The following UMODL1 variants were observed in gnomAD, a reference collection of about 807,000 sequenced individuals.
The protein encoded by UMODL1 is uromodulin like 1.
UMODL1 carries 128 observed loss-of-function variants against 136.3 expected under a neutral mutation model. That is an observed-to-expected ratio of 0.94 (90% CI 0.81 to 1.09). The LOEUF (loss-of-function observed/expected upper bound fraction) is 1.09. Ranked by LOEUF, UMODL1 falls within the 50% of genes least tolerant of loss-of-function variation. The pLI is 0.00. For missense variants in UMODL1, 1,766 were observed against 1,725.6 expected, an observed-to-expected ratio of 1.02 and a Z score of -0.41; for synonymous variants, 721 against 720.0, an observed-to-expected ratio of 1.00 and a Z score of -0.02.
chr21:42,127,989 G>A (rs995946461), intron 20 of UMODL1, 158 bp downstream of exon 20: 4 of 937,126 alleles, frequency 4.3e-6, no homozygotes, highest in Non-Finnish European at 6.7e-6. Context: ...GTCTGAAATG[G>A]TATTTCCACG....
upstream of UMODL1, among the ~76,000 whole-genome samples, chr21:42,066,637 G>A (rs1356550491): frequency 6.6e-6 from 1 of 152,170 alleles, no homozygotes; most frequent in Non-Finnish European, 1.5e-5. Context: ...CTCCTGTCAT[G>A]AAGATAGGAG....
intron 21 of UMODL1, 105 bp from the exon 22 acceptor site, chr21:42,137,334 C>G: frequency 7.1e-7 from 1 of 1,413,594 alleles, no homozygotes; most frequent in South Asian, 1.3e-5. Context: ...GCCTTGCATT[C>G]CCCGTGCTTC....
At chr21:42,105,402 C>T (rs2066700938) in intron 9 of UMODL1, among the ~76,000 whole-genome samples, 1 of 152,180 alleles carries the variant, frequency 6.6e-6, no homozygotes, top group Admixed American at 6.5e-5. Flanking sequence ...AGGGCTCAGG[C>T]GATTCCAGAT....
rs1209992752 is a variant in UMODL1, at chr21:42,123,542, T to C, written c.3147+392T>C. Among the ~76,000 whole-genome samples, 1 of 151,676 alleles carries C rather than the reference T, an allele frequency of 6.6e-6. No individual in the cohort carries two copies. Among genetic ancestry groups the C allele is most frequent in the Non-Finnish European group, 1.5e-5 (1 of 67,940 alleles). On this transcript the variant is annotated intron_variant, in intron 17 of 22. Transcript: ENST00000408910. The surrounding 1 kb of genome is among the most constrained non-coding windows in gnomAD (Gnocchi z 4.4). ...ATGTGTCTGAATATGTCTGTGTATG[T>C]GGGGGTGTGCATGTGTGTGAATGTG... is the stretch of plus-strand genomic sequence containing the variant.
chr21:42,125,773 G>A lies in UMODL1; in HGVS notation c.3148-572G>A, dbSNP rs573174256. ...CTCAAGCCTATGCAGGGCTCTTGCA[G>A]GGCTGCGGGGCCAAGTGGAGGGGCT... On this transcript the variant is annotated intron_variant, in intron 17 of 22. Transcript: ENST00000408910. Among the ~76,000 whole-genome samples the A allele has an allele frequency of 2.6e-5, 4 of 152,294 alleles. No homozygotes were observed. The East Asian group carries it at 7.8e-4, about 30-fold the overall frequency.
At position 42,103,932 on chromosome 21, in the gene UMODL1, T is replaced by C; in HGVS notation, c.1364T>C (p.Ile455Thr). The C allele has an allele frequency of 1.9e-6, 3 of 1,614,138 alleles. No homozygotes were observed. The highest frequency in any genetic ancestry group is 2.5e-6 in the Non-Finnish European group (3 of 1,180,030). ...CGAAGTGGGAAGCTGAGAATGCAGA[T>C]CGTGTCTCTCCAGGCGGGAAGTGTG... is the stretch of plus-strand genomic sequence containing the variant. ...LYRSGKLRMQ[I>T]VSLQAGSVVV... is the part of the protein sequence containing the mutation. The change falls in exon 9 of 23, where the codon ATC becomes ACC. Residue 455 changes from isoleucine to threonine, a missense_variant. Transcript: ENST00000408910.
chr21:42,079,820 G>A (rs2066339260), intron 2 of UMODL1, among the ~76,000 whole-genome samples: 1 of 152,222 alleles, frequency 6.6e-6, no homozygotes, highest in Non-Finnish European at 1.5e-5. Context: ...TGACCCCCAG[G>A]CAGATTTTTG....
intron 5 of UMODL1, 123 bp downstream of exon 5, chr21:42,088,603 A>G (rs1369963816): frequency 2.9e-6 from 3 of 1,022,660 alleles, no homozygotes; most frequent in Non-Finnish European, 4.2e-6. Context: ...TAAGTTCAGG[A>G]GCAAAAGAAT....
At chr21:42,072,549 G>A (rs1293545747) in intron 1 of UMODL1, among the ~76,000 whole-genome samples, 2 of 152,202 alleles carry the variant, frequency 1.3e-5, no homozygotes, top group Non-Finnish European at 2.9e-5. Flanking sequence ...CATTGTATAT[G>A]AGGACACGGG....
At chr21:42,090,582 C>T in intron 6 of UMODL1, 144 bp downstream of exon 6, 1 of 1,116,740 alleles carries the variant, frequency 9.0e-7, no homozygotes, top group Non-Finnish European at 1.2e-6. Context: ...ATTATTTTCG[C>T]ATCACTGTGG....
chr21:42,112,086 C>G (rs1262619378), intron 12 of UMODL1, among the ~76,000 whole-genome samples: 1 of 151,836 alleles, frequency 6.6e-6, no homozygotes, highest in African/African-American at 2.4e-5. Flanking sequence ...TGTGTCCCGG[C>G]CCCGATCAGT....
chr21:42,084,082 A>G lies in UMODL1; in HGVS notation c.320-2A>G. On this transcript the variant is annotated splice_acceptor_variant, in intron 2 of 22. Coordinates refer to ENST00000408910, the MANE Select transcript of UMODL1 (RefSeq NM_001004416.3). LOFTEE classifies it high-confidence loss of function. Reference sequence around the variant, plus strand: ...ATCATTAATTGTATCATTTTCTCCCAGCCCTGAATCAGTCCGGGCAGTTCA... The same window carrying G: ...ATCATTAATTGTATCATTTTCTCCCGGCCCTGAATCAGTCCGGGCAGTTCA... The G allele has an allele frequency of 6.2e-7, 1 of 1,610,570 alleles. No individual in the cohort carries two copies. The highest frequency in any genetic ancestry group is 2.2e-5 in the East Asian group (1 of 44,794).
At chr21:42,079,143 G>A (rs796844691) in intron 2 of UMODL1, among the ~76,000 whole-genome samples, 11 of 152,206 alleles carry the variant, frequency 7.2e-5, no homozygotes, top group African/African-American at 2.6e-4. Context: ...GGCCCTGGGG[G>A]AGGCTGATCA....
chr21:42,084,214 G>A lies in UMODL1; in HGVS notation c.450G>A (p.Gly150=). The A allele has an allele frequency of 6.2e-7, 1 of 1,613,764 alleles. No homozygotes were observed. Among genetic ancestry groups the A allele is most frequent in the Non-Finnish European group, 8.5e-7 (1 of 1,180,010 alleles). The change falls in exon 3 of 23, where the codon GGG becomes GGA. Residue 150 remains glycine, a synonymous_variant. Transcript: ENST00000408910. The part of the protein sequence containing the change: ...PGLEKCCPWS[G]GRYCMAPAPQ... ...TTGAGAAGTGCTGCCCCTGGTCAGGGGGGCGCTACTGCATGGCCCCTGCAC... is the reference window on the plus strand; with the variant it reads ...TTGAGAAGTGCTGCCCCTGGTCAGGAGGGCGCTACTGCATGGCCCCTGCAC...
Position 42,115,899 on chromosome 21 carries a change from A to T in UMODL1, c.2389A>T (p.Arg797Ter). 1 of 1,614,102 alleles carries T rather than the reference A, an allele frequency of 6.2e-7. No homozygotes were observed. Among genetic ancestry groups the T allele is most frequent in the Non-Finnish European group, 8.5e-7 (1 of 1,179,996 alleles). The change falls in exon 14 of 23, where the codon AGA becomes TGA. Residue 797 changes from arginine to a stop codon, truncating the protein, a stop_gained. Transcript: ENST00000408910. LOFTEE classifies it high-confidence loss of function. ...AGCCCGGAAGCTCATTGGAAAGGTC[A>T]GAATCAAAAATGTCAGGTACTCAGA... Reference protein sequence around the residue: ...TAARKLIGKVRIKNVRYSESF... With the variant: ...TAARKLIGKV
At chr21:42,066,015 C>T (rs190963608) in intron 1 of UMODL1, among the ~76,000 whole-genome samples, 4 of 152,324 alleles carry the variant, frequency 2.6e-5, no homozygotes, top group South Asian at 2.1e-4. Context: ...TTTGTCCTAA[C>T]GTTATTGTTA....
rs956079568 is a variant in UMODL1 at position 42,137,778 on chromosome 21, G to A, written c.*21+137G>A. On this transcript the variant is annotated intron_variant, in intron 22 of 22. Transcript: ENST00000408910. ...GCTGACAGGAAGGTGGGTGTGGAGT[G>A]GGGTAGGAGGTGCAGGCTGATAAGA... 1.1e-5 allele frequency: 12 copies of A among 1,059,708 alleles called. 1 individual carries two copies. The highest frequency in any genetic ancestry group is 3.0e-4 in the Middle Eastern group (1 of 3,292). The allele number at this position is 1,059,708 out of a possible 1,614,324, so 65.6% of individuals were successfully genotyped here.
intron 2 of UMODL1, among the ~76,000 whole-genome samples, chr21:42,079,058 A>G (rs220298): frequency 0.92 from 139,705 of 152,258 alleles, 64,298 homozygotes; most frequent in African/African-American, 0.97. Context: ...GACATGCCCT[A>G]TCCTGTCCAG....
intron 1 of UMODL1, among the ~76,000 whole-genome samples, chr21:42,074,881 C>T (rs536739421): frequency 6.6e-6 from 1 of 151,972 alleles, no homozygotes; most frequent in Non-Finnish European, 1.5e-5. Flanking sequence ...CCAGCCACCA[C>T]AATTTTTTAT....
Sources: allele counts gnomAD v4.1 joint callset (sites outside exome capture counted in the v4.1 genomes callset), GRCh38; gene constraint gnomAD v4.1.1; non-coding constraint Gnocchi (gnomAD v3.1); transcripts MANE v1.5; gene names NCBI Gene and HGNC (gene_info 2026-07-23, HGNC 2026-07-21).